Variants in TYW1 observed in about 807,000 individuals in gnomAD.
TYW1 encodes the protein S-adenosyl-L-methionine-dependent tRNA 4-demethylwyosine synthase TYW1.
A neutral mutation model predicts 96.2 loss-of-function variants in TYW1; 46 were observed. The ratio of observed to expected loss-of-function variants is 0.48; its 90% CI spans 0.38 to 0.61. The LOEUF is 0.61. Ranked by LOEUF, TYW1 falls within the 20% of genes least tolerant of loss-of-function variation. The probability of loss-of-function intolerance (pLI) is 0.00; values close to 1 mark genes in which losing one functional copy is unlikely to be tolerated. For missense variants in TYW1, 684 were observed against 909.6 expected (o/e 0.75, Z 3.19); for synonymous variants, 274 against 323.0 (o/e 0.85, Z 1.63).
At chr7:67,023,040 G>A (rs2901443) in intron 6 of TYW1, among the ~76,000 whole-genome samples, 25,262 of 151,940 alleles carry the variant, frequency 0.17, 2,369 homozygotes, top group African/African-American at 0.25. Context: ...CTATACTGTG[G>A]GGCATATTGG....
chr7:67,212,656 T>C (rs965494458), intron 15 of TYW1, among the ~76,000 whole-genome samples: 1 of 140,038 alleles, frequency 7.1e-6, no homozygotes, highest in African/African-American at 2.7e-5. Flanking sequence ...ATTTGGTGTA[T>C]ATCACGGTTT....
intron 13 of TYW1, among the ~76,000 whole-genome samples, chr7:67,182,621 G>A (rs937583323): frequency 2.0e-5 from 3 of 152,046 alleles, no homozygotes; most frequent in African/African-American, 7.2e-5. Context: ...GCACACAAAT[G>A]GCAACATTGA....
intron 15 of TYW1, among the ~76,000 whole-genome samples, chr7:67,224,238 C>G (rs562621079): frequency 6.6e-6 from 1 of 152,332 alleles, no homozygotes; most frequent in East Asian, 1.9e-4. Context: ...AGTGATTGTC[C>G]TGCCTCAGCC....
chr7:67,060,961 T>G (rs1795676768), intron 9 of TYW1, among the ~76,000 whole-genome samples: 2 of 152,154 alleles, frequency 1.3e-5, no homozygotes, highest in Admixed American at 1.3e-4. Context: ...GCACCAGTTG[T>G]TCACACCTGA....
intron 11 of TYW1, among the ~76,000 whole-genome samples, chr7:67,093,621 G>C (rs1208705545): frequency 6.6e-6 from 1 of 152,166 alleles, no homozygotes; most frequent in African/African-American, 2.4e-5. Flanking sequence ...CGTAGAATGA[G>C]CTTAAGGATC....
At chr7:67,121,955 A>G (rs11761332) in intron 13 of TYW1, among the ~76,000 whole-genome samples, 13,664 of 110,818 alleles carry the variant, frequency 0.12, 1,441 homozygotes, top group African/African-American at 0.22. Context: ...AAATGTGTTA[A>G]CTTCAATTTC....
intron 13 of TYW1, among the ~76,000 whole-genome samples, chr7:67,172,914 G>A (rs910811866): frequency 6.6e-6 from 1 of 151,462 alleles, no homozygotes; most frequent in East Asian, 1.9e-4. Flanking sequence ...GAGTCCAGGG[G>A]TTCAAGACCA....
intron 3 of TYW1, among the ~76,000 whole-genome samples, chr7:67,005,682 T>C (rs1242834848): frequency 1.3e-5 from 2 of 152,210 alleles, no homozygotes; most frequent in African/African-American, 4.8e-5. Context: ...TCAGTACCAC[T>C]TGGCCCTCTT....
At chr7:67,029,415 G>GTATATATATA (rs55802244) in intron 7 of TYW1, among the ~76,000 whole-genome samples, 2,221 of 94,250 alleles carry the variant, frequency 0.024, 77 homozygotes, top group Admixed American at 0.042. Flanking sequence ...GTGTGTGTGT[G>GTATATATATA]TATATATATA....
intron 3 of TYW1, among the ~76,000 whole-genome samples, chr7:67,009,187 T>G (rs1411878204): frequency 2.6e-5 from 4 of 152,130 alleles, no homozygotes; most frequent in African/African-American, 9.7e-5. Context: ...TTTTTAAATT[T>G]TTTTATAACG....
rs1336138620 is a variant in TYW1 at position 67,233,961 on chromosome 7, A to G, written c.1978-4347A>G. Among the ~76,000 whole-genome samples the G allele has an allele frequency of 1.5e-5, 2 of 135,046 alleles. 1 individual carries two copies. Among genetic ancestry groups the G allele is most frequent in the Non-Finnish European group, 3.2e-5 (2 of 62,910 alleles). The allele number at this position is 135,046 out of a possible 152,430, so 88.6% of individuals were successfully genotyped here. On this transcript the variant is annotated intron_variant, in intron 15 of 15. Transcript: ENST00000359626. ...TGAGGTCCTAACTCCCAGCGTGGCT[A>G]TATTTGGAGATGGGGTTTCAAAGGA...
intron 11 of TYW1, among the ~76,000 whole-genome samples, chr7:67,087,421 A>G (rs1796580606): frequency 6.6e-6 from 1 of 152,210 alleles, no homozygotes; most frequent in East Asian, 1.9e-4. Flanking sequence ...AGGATGCAGG[A>G]TAGCAGAGAG....
intron 7 of TYW1, among the ~76,000 whole-genome samples, chr7:67,034,536 TTTA>T (rs1435852438): frequency 1.3e-5 from 2 of 152,146 alleles, no homozygotes; most frequent in African/African-American, 2.4e-5. Context: ...TTGCAGGTAT[TTTA>T]TTGCCTTTTA....
intron 13 of TYW1, among the ~76,000 whole-genome samples, chr7:67,171,326 A>T (rs1799506184): frequency 2.0e-5 from 3 of 151,932 alleles, no homozygotes; most frequent in Admixed American, 2.0e-4. Context: ...TTTTTCATAG[A>T]ACATACTTTT....
rs201441171 is a variant in TYW1 at position 67,187,067 on chromosome 7, T to G, written c.1809+3831T>G. Among the ~76,000 whole-genome samples the G allele has an allele frequency of 8.9e-5, 13 of 145,668 alleles. 1 individual carries two copies. In the South Asian group the frequency reaches 9.1e-4, roughly 10 times the overall value. ...CCACAATTAAATTTTTTTTTTTTTT[T>G]TTTTTTTTTTTTTTGAGATAGGGTC... is the stretch of plus-strand genomic sequence containing the variant. On this transcript the variant is annotated intron_variant, in intron 14 of 15. Transcript: ENST00000359626.
chr7:67,155,559 CTT>C (rs143551965), intron 13 of TYW1, among the ~76,000 whole-genome samples: 44 of 145,888 alleles, frequency 3.0e-4, no homozygotes, highest in Middle Eastern at 3.6e-3. Flanking sequence ...TTTAGGTATT[CTT>C]TTTTTTTTTT....
At position 67,202,876 on chromosome 7, in the gene TYW1, A is replaced by G. The variant is rs7782665; in HGVS notation, c.1977+7539A>G. Among the ~76,000 whole-genome samples the G allele has an allele frequency of 5.5e-3, 840 of 152,360 alleles. 6 individuals are homozygous for G. The highest frequency in any genetic ancestry group is 0.019 in the African/African-American group (805 of 41,584). ...CAGGAAGCTGCAAAATGGTACAGAA[A>G]GGTCTCAGGTACCCTTCATGTAGTT... On this transcript the variant is annotated intron_variant, in intron 15 of 15. Coordinates refer to ENST00000359626, the MANE Select transcript of TYW1 (RefSeq NM_018264.4).
intron 12 of TYW1, among the ~76,000 whole-genome samples, chr7:67,102,331 C>G (rs1797109767): frequency 6.6e-6 from 1 of 152,198 alleles, no homozygotes; most frequent in South Asian, 2.1e-4. Flanking sequence ...CTCTTTCCCT[C>G]TCTTGCTGGT....
chr7:67,228,689 C>T (rs537434239), intron 15 of TYW1, among the ~76,000 whole-genome samples: 1 of 152,162 alleles, frequency 6.6e-6, no homozygotes, highest in African/African-American at 2.4e-5. Flanking sequence ...CTTCTTATTT[C>T]AACTCTTGAA....
Sources: gnomAD v4.1 joint callset for allele counts (sites outside exome capture counted in the v4.1 genomes callset) on GRCh38, gnomAD v4.1.1 for gene constraint, MANE v1.5 for transcripts, NCBI Gene and HGNC (gene_info 2026-07-23, HGNC 2026-07-21) for gene names.